ZXDB: variants seen among roughly 807,000 people sequenced by gnomAD.
ZXDB encodes zinc finger X-linked duplicated B.
For synonymous variants in ZXDB, 273 were observed against 314.3 expected (o/e 0.87, Z 1.39); for missense variants, 413 against 679.1 (o/e 0.61, Z 4.36).
rs775122601 is a variant in ZXDB, at chrX:57,596,854, C to T, written c.*2394C>T. The T allele has an allele frequency of 8.1e-6, 1 of 123,288 alleles. No homozygotes were observed. The highest frequency in any genetic ancestry group is 3.2e-5 in the African/African-American group (1 of 30,850). The allele number at this position is 123,288 out of a possible 1,213,427, so 10.2% of individuals were successfully genotyped here. A position where few individuals can be genotyped will look rare whatever the true frequency, so the allele number is the denominator to read the frequency against. On this transcript the variant is annotated 3_prime_UTR_variant, in exon 1 of 1. Coordinates refer to ENST00000374888, the MANE Select transcript of ZXDB (RefSeq NM_007157.4). The stretch of plus-strand genomic sequence containing the variant: ...CATTTTCTTCAAATGCTAACATTTA[C>T]TGAGTGTACATTGAAGTTCTGTGCA...
rs868443487 is a variant in ZXDB, at chrX:57,592,138, A to G, written c.90A>G (p.Arg30=). 9.6e-7 allele frequency: 1 copy of G among 1,043,738 alleles called. No individual in the cohort carries two copies. The highest frequency in any genetic ancestry group is 1.2e-6 in the Non-Finnish European group (1 of 819,407). The allele number at this position is 1,043,738 out of a possible 1,213,427, so 86.0% of individuals were successfully genotyped here. A position where few individuals can be genotyped will look rare whatever the true frequency, so the allele number is the denominator to read the frequency against. The part of the protein sequence containing the change: ...GIPAGGGRVH[R]GPDSPAGQVP... ...CCGCGGGTGGCGGCCGAGTCCACCGAGGCCCTGACTCGCCGGCTGGCCAGG... is the reference window on the plus strand; with the variant it reads ...CCGCGGGTGGCGGCCGAGTCCACCGGGGCCCTGACTCGCCGGCTGGCCAGG... The change falls in exon 1 of 1, where the codon CGA becomes CGG. Residue 30 remains arginine, a synonymous_variant. Coordinates refer to ENST00000374888, the MANE Select transcript of ZXDB (RefSeq NM_007157.4).
chrX:57,592,491 C>A lies in ZXDB; in HGVS notation c.443C>A (p.Ser148Tyr). 2.5e-6 allele frequency: 3 copies of A among 1,183,542 alleles called. No homozygotes were observed. Among genetic ancestry groups the A allele is most frequent in the Non-Finnish European group, 3.4e-6 (3 of 883,162 alleles). The stretch of plus-strand genomic sequence containing the variant: ...ACTGCGCTAGGCCCCCGCTGCCTGT[C>A]CGCGGTTCCCACTCCGGCCCCGATC... ...GPTALGPRCL[S>Y]AVPTPAPISA... The change falls in exon 1 of 1, where the codon TCC becomes TAC. Residue 148 changes from serine (S) to tyrosine (Y), a missense_variant. By Grantham distance (144) the Ser-to-Tyr change is moderately radical. Transcript: ENST00000374888.
chrX:57,596,112 T>C lies in ZXDB; in HGVS notation c.*1652T>C, dbSNP rs2057909893. 8.1e-6 allele frequency: 1 copy of C among 122,807 alleles called. No individual in the cohort carries two copies. Among genetic ancestry groups the C allele is most frequent in the African/African-American group, 3.3e-5 (1 of 30,754 alleles). 10.1% of individuals were successfully genotyped at this position (122,807 alleles called of 1,213,427 possible). A position where few individuals can be genotyped will look rare whatever the true frequency, so the allele number is the denominator to read the frequency against. On this transcript the variant is annotated 3_prime_UTR_variant, in exon 1 of 1. Coordinates refer to ENST00000374888, the MANE Select transcript of ZXDB (RefSeq NM_007157.4). ...TTTACTCCCTCTTCCCTCTACTGAA[T>C]AATTTTCCCTCTACTGAATAATTTT...
At position 57,592,856 on chromosome X, in the gene ZXDB, C is replaced by G. The variant is rs1326275442; in HGVS notation, c.808C>G (p.Leu270Val). ...GCTGGGCTCCGGCCCAGGCGTGGTG[C>G]TGTACTTGTGCCCCGAGGCGCAGTG... is the stretch of plus-strand genomic sequence containing the variant. ...GPLGSGPGVVLYLCPEAQCGQ... is the reference protein window; with the variant it reads ...GPLGSGPGVVVYLCPEAQCGQ... The change falls in exon 1 of 1, where the codon CTG becomes GTG. Residue 270 changes from leucine to valine, a missense_variant. Leu to Val is a conservative substitution (Grantham distance 32). Transcript: ENST00000374888. 1.5e-5 allele frequency: 18 copies of G among 1,175,668 alleles called. No homozygotes were observed. The African/African-American group carries it at 3.0e-4, about 20-fold the overall frequency.
In ZXDB at chrX:57,593,118, G is replaced by C. The variant is rs1396786094; in HGVS notation, c.1070G>C (p.Gly357Ala). Residue 357 changes from glycine to alanine, a missense_variant, in exon 1 of 1, where the codon GGC (glycine) becomes GCC (alanine). By Grantham distance (60) the Gly-to-Ala change is moderately conservative. Transcript: ENST00000374888. Reference protein sequence around the residue: ...TVYNLKAHMKGHEQENSFKCE... With the variant: ...TVYNLKAHMKAHEQENSFKCE... ...TACAACCTCAAGGCGCACATGAAGG[G>C]CCATGAGCAGGAGAACTCATTCAAA... 37 of 1,210,284 alleles carry C rather than the reference G, an allele frequency of 3.1e-5. No individual in the cohort carries two copies. Among genetic ancestry groups the C allele is most frequent in the Admixed American group, 8.7e-5 (4 of 45,904 alleles).
Position 57,592,104 on chromosome X carries a change from G to A in ZXDB, c.56G>A (p.Gly19Asp). ...GGGACACTACAGGGCGGCGGCGGCG[G>A]CGGTATCCCCGCGGGTGGCGGCCGA... is the stretch of plus-strand genomic sequence containing the variant. The part of the protein sequence containing the change: ...ARGTLQGGGG[G>D]GIPAGGGRVH... Residue 19 changes from glycine to aspartate, a missense_variant, in exon 1 of 1, where the codon GGC (glycine) becomes GAC (aspartate). Transcript: ENST00000374888. 2 of 1,044,260 alleles carry A rather than the reference G, an allele frequency of 1.9e-6. No individual in the cohort carries two copies. The highest frequency in any genetic ancestry group is 2.4e-6 in the Non-Finnish European group (2 of 819,406). The allele number at this position is 1,044,260 out of a possible 1,213,427, so 86.1% of individuals were successfully genotyped here. A position where few individuals can be genotyped will look rare whatever the true frequency, so the allele number is the denominator to read the frequency against.
In ZXDB at chrX:57,594,557, T is replaced by C. The variant is rs2057905474; in HGVS notation, c.*97T>C. ...ATATTTAAGTGCAGTCATTTCTTTTTGGTTTGCAAAAAGAGCACAGCCCTG... is the reference window on the plus strand; with the variant it reads ...ATATTTAAGTGCAGTCATTTCTTTTCGGTTTGCAAAAAGAGCACAGCCCTG... On this transcript the variant is annotated 3_prime_UTR_variant, in exon 1 of 1. Transcript: ENST00000374888. 1 of 1,049,964 alleles carries C rather than the reference T, an allele frequency of 9.5e-7. No homozygotes were observed. The highest frequency in any genetic ancestry group is 1.3e-6 in the Non-Finnish European group (1 of 779,858). The allele number at this position is 1,049,964 out of a possible 1,213,427, so 86.5% of individuals were successfully genotyped here. A position where few individuals can be genotyped will look rare whatever the true frequency, so the allele number is the denominator to read the frequency against.
chrX:57,592,760 G>A lies in ZXDB; in HGVS notation c.712G>A (p.Glu238Lys). 1 of 1,154,849 alleles carries A rather than the reference G, an allele frequency of 8.7e-7. No homozygotes were observed. Among genetic ancestry groups the A allele is most frequent in the African/African-American group, 1.8e-5 (1 of 55,146 alleles). Residue 238 changes from glutamate to lysine, a missense_variant, in exon 1 of 1, where the codon GAA becomes AAA. Coordinates refer to ENST00000374888, the MANE Select transcript of ZXDB (RefSeq NM_007157.4). ...AGACCTCCTGCTAGCTGAGCCGGCC[G>A]AACCCGCGCCAGCTCCGGCGCCTGA... ...PPDLLLAEPA[E>K]PAPAPAPEEE...
In ZXDB at chrX:57,592,815, T is replaced by A. The variant is rs746279216; in HGVS notation, c.767T>A (p.Leu256Gln). 2.8e-5 allele frequency: 32 copies of A among 1,146,826 alleles called. 1 individual carries two copies. The South Asian group carries it at 5.9e-4, about 21-fold the overall frequency. 94.5% of individuals were successfully genotyped at this position (1,146,826 alleles called of 1,213,427 possible). The change falls in exon 1 of 1, where the codon CTG becomes CAG. Residue 256 changes from leucine (L) to glutamine (Q), a missense_variant. Leu to Gln is a moderately radical substitution (Grantham distance 113). Transcript: ENST00000374888. ...GAGGCGGAGGGCCCGGCCGCCGCCC[T>A]GGGCCCCCGCGGACCGCTGGGCTCC... Reference protein sequence around the residue: ...EEEAEGPAAALGPRGPLGSGP... With the variant: ...EEEAEGPAAAQGPRGPLGSGP...
Position 57,592,081 on chromosome X carries a change from G to A in ZXDB, c.33G>A (p.Gly11=), listed in dbSNP as rs748945666. 9.0e-5 allele frequency: 93 copies of A among 1,036,473 alleles called. No individual in the cohort carries two copies. In the South Asian group the frequency reaches 2.6e-3, roughly 29 times the overall value. 85.4% of individuals were successfully genotyped at this position (1,036,473 alleles called of 1,213,427 possible). The change falls in exon 1 of 1, where the codon GGG becomes GGA. Residue 11 remains glycine (G), a synonymous_variant. Transcript: ENST00000374888. The part of the protein sequence containing the change: MEIPKLLPAR[G]TLQGGGGGGI... ...TCCCGAAGCTGCTCCCGGCTCGCGG[G>A]ACACTACAGGGCGGCGGCGGCGGCG...
Sources: allele counts gnomAD v4.1 joint callset, GRCh38; gene constraint gnomAD v4.1.1; transcripts MANE v1.5; gene names NCBI Gene and HGNC (gene_info 2026-07-23, HGNC 2026-07-21).